COMT: variants seen among roughly 807,000 people sequenced by gnomAD.
COMT encodes catechol-O-methyltransferase.
Under a neutral mutation model 18.9 loss-of-function variants are expected in COMT, and 13 were observed. The ratio of observed to expected loss-of-function variants is 0.69; its 90% CI spans 0.45 to 1.09. The LOEUF is 1.09. Among genes scored for constraint, COMT ranks in the 50% least tolerant of loss-of-function variants. COMT has a pLI of 0.00. For missense variants in COMT, 329 were observed against 361.8 expected, an observed-to-expected ratio of 0.91 and a Z score of 0.73; for synonymous variants, 150 against 160.9, an observed-to-expected ratio of 0.93 and a Z score of 0.51.
At chr22:19,951,107 C>G (rs948119480) in intron 1 of COMT, 2 of 152,152 alleles carry the variant, frequency 1.3e-5, no homozygotes, top group Non-Finnish European at 2.9e-5. Context: ...CGCCTGTAAT[C>G]CCAGCACTTT....
intron 1 of COMT, among the ~76,000 whole-genome samples, chr22:19,959,603 C>A (rs1022129381): frequency 6.6e-6 from 1 of 152,234 alleles, no homozygotes; most frequent in East Asian, 1.9e-4. Context: ...GGGGCCAGGG[C>A]TCTGTTGGTG....
At chr22:19,949,085 C>T (rs1941886451) in intron 1 of COMT, among the ~76,000 whole-genome samples, 1 of 152,002 alleles carries the variant, frequency 6.6e-6, no homozygotes, top group Non-Finnish European at 1.5e-5. Flanking sequence ...TTCTTGAGGC[C>T]AGGAGTTCAA....
intron 5 of COMT, among the ~76,000 whole-genome samples, chr22:19,966,464 CAG>C (rs1569135877): frequency 6.0e-5 from 9 of 148,982 alleles, no homozygotes; most frequent in African/African-American, 2.2e-4. Flanking sequence ...AAGAAAAAGA[CAG>C]AGTCTTGCTC....
At chr22:19,956,349 G>T (rs1452251281) in intron 1 of COMT, among the ~76,000 whole-genome samples, 1 of 137,448 alleles carries the variant, frequency 7.3e-6, no homozygotes, top group Non-Finnish European at 1.5e-5. Context: ...CACCATGTTG[G>T]CCAGGATGGT....
In COMT at chr22:19,968,604, C is replaced by T; in HGVS notation, c.684C>T (p.Asp228=). 3 of 1,614,106 alleles carry T rather than the reference C, an allele frequency of 1.9e-6. No homozygotes were observed. The South Asian group carries it at 3.3e-5, about 18-fold the overall frequency. ...ADNVICPGAP[D]FLAHVRGSSC... The stretch of plus-strand genomic sequence containing the variant: ...ACGTGATCTGCCCAGGTGCGCCAGA[C>T]TTCCTAGCACACGTGCGCGGGAGCA... The change falls in exon 6 of 6, where the codon GAC becomes GAT. Residue 228 remains aspartate, a synonymous_variant. Transcript: ENST00000361682.
At chr22:19,967,473 CCT>C (rs1390072247) in intron 5 of COMT, 1 of 450,184 alleles carries the variant, frequency 2.2e-6, no homozygotes, top group Non-Finnish European at 4.5e-6. Flanking sequence ...GGGGCTGTCC[CCT>C]GACCTCACTG....
At position 19,962,714 on chromosome 22, in the gene COMT, T is replaced by A; in HGVS notation, c.188T>A (p.Val63Glu). ...DTKEQRILNHVLQHAEPGNAQ... is the reference protein window; with the variant it reads ...DTKEQRILNHELQHAEPGNAQ... The stretch of plus-strand genomic sequence containing the variant: ...AAGGAGCAGCGCATCCTGAACCACG[T>A]GCTGCAGCATGCGGAGCCCGGGAAC... The change falls in exon 3 of 6, where the codon GTG becomes GAG. Residue 63 changes from valine to glutamate, a missense_variant. Physicochemically the swap from Val to Glu is moderately radical, Grantham distance 121. Coordinates refer to ENST00000361682, the MANE Select transcript of COMT (RefSeq NM_000754.4). The A allele has an allele frequency of 1.9e-6, 3 of 1,613,710 alleles. No homozygotes were observed. Among genetic ancestry groups the A allele is most frequent in the Non-Finnish European group, 2.5e-6 (3 of 1,179,986 alleles).
intron 5 of COMT, chr22:19,967,350 G>A (rs1569136879): frequency 1.7e-6 from 1 of 577,192 alleles, no homozygotes; most frequent in Non-Finnish European, 3.1e-6. Flanking sequence ...CTCCTCCCGG[G>A]TGGCGCTTTG....
At chr22:19,949,447 CA>C (rs1941891667) in intron 1 of COMT, among the ~76,000 whole-genome samples, 1 of 152,130 alleles carries the variant, frequency 6.6e-6, no homozygotes, top group Admixed American at 6.6e-5. Flanking sequence ...CTTTCTTTAA[CA>C]AAAACACTCT....
At chr22:19,967,404 T>C (rs1324233715) in intron 5 of COMT, 1 of 476,730 alleles carries the variant, frequency 2.1e-6, no homozygotes, top group Non-Finnish European at 4.3e-6. Flanking sequence ...TTTTTTTTTT[T>C]TTCTAAATGA....
At chr22:19,949,992 C>T (rs764763438) in intron 1 of COMT, among the ~76,000 whole-genome samples, 3 of 152,128 alleles carry the variant, frequency 2.0e-5, no homozygotes, top group Non-Finnish European at 4.4e-5. Flanking sequence ...CAAAAAGTTA[C>T]GCTTAATAAT....
rs757782035 is a variant in COMT at position 19,963,677 on chromosome 22, C to T, written c.401C>T (p.Ala134Val). 7 of 1,612,740 alleles carry T rather than the reference C, an allele frequency of 4.3e-6. No homozygotes were observed. Among genetic ancestry groups the T allele is most frequent in the South Asian group, 2.2e-5 (2 of 91,076 alleles). The part of the protein sequence containing the change: ...VRMARLLSPG[A>V]RLITIEINPD... ...ATGGCCCGCCTGCTGTCACCAGGGG[C>T]GAGGCTCATCACCATCGAGATCAAC... The change falls in exon 4 of 6, where the codon GCG becomes GTG. Residue 134 changes from alanine to valine, a missense_variant. By Grantham distance (64) the Ala-to-Val change is moderately conservative (BLOSUM62 0). Transcript: ENST00000361682.
intron 1 of COMT, among the ~76,000 whole-genome samples, chr22:19,942,829 T>A (rs1344477518): frequency 6.6e-6 from 1 of 151,946 alleles, no homozygotes; most frequent in African/African-American, 2.4e-5. Flanking sequence ...TCAGTAGAGT[T>A]AGGGAAACAG....
intron 1 of COMT, among the ~76,000 whole-genome samples, chr22:19,948,647 G>C (rs1333477932): frequency 6.6e-6 from 1 of 152,090 alleles, no homozygotes; most frequent in African/African-American, 2.4e-5. Context: ...GTAACAGAGT[G>C]AGACTCTGTC....
chr22:19,962,877 C>A, intron 3 of COMT, 62 bp downstream of exon 3: 1 of 1,547,660 alleles, frequency 6.5e-7, no homozygotes, highest in Non-Finnish European at 8.8e-7. Context: ...GGCATCAAAG[C>A]CCTTACAGGA....
intron 2 of COMT, 200 bp from the exon 3 acceptor site, chr22:19,962,327 C>A: frequency 3.6e-6 from 3 of 834,154 alleles, no homozygotes; most frequent in Non-Finnish European, 5.6e-6. Flanking sequence ...CCTGCTCTGT[C>A]TACCCGAGGG....
chr22:19,951,965 G>A (rs936039112), intron 1 of COMT, among the ~76,000 whole-genome samples: 3 of 152,168 alleles, frequency 2.0e-5, no homozygotes, highest in African/African-American at 7.2e-5. Context: ...TCAGGCAGGC[G>A]CTTTGAAGGG....
chr22:19,952,436 G>C (rs933535233), intron 1 of COMT, among the ~76,000 whole-genome samples: 2 of 150,148 alleles, frequency 1.3e-5, no homozygotes, highest in African/African-American at 4.9e-5. Flanking sequence ...TCAGGAGATC[G>C]AGACCATCCT....
intron 1 of COMT, chr22:19,951,657 G>A (rs1198354166): frequency 1.3e-5 from 2 of 152,240 alleles, no homozygotes; most frequent in South Asian, 4.1e-4. Flanking sequence ...TTAAAGTGGT[G>A]AGGACGGAAA....
Sources: allele counts gnomAD v4.1 joint callset (sites outside exome capture counted in the v4.1 genomes callset), GRCh38; gene constraint gnomAD v4.1.1; transcripts MANE v1.5; gene names NCBI Gene and HGNC (gene_info 2026-07-23, HGNC 2026-07-21).